Variants in FOXK2 observed in about 807,000 individuals in gnomAD.
FOXK2 encodes forkhead box protein K2.
FOXK2 carries 24 observed loss-of-function variants against 53.3 expected under a neutral mutation model. That is an observed-to-expected ratio of 0.45 (90% CI 0.33 to 0.63). The LOEUF is 0.63. Among genes scored for constraint, FOXK2 ranks in the 30% least tolerant of loss-of-function variants. The pLI is 0.03. For missense variants in FOXK2, 952 were observed against 910.5 expected (o/e 1.05, Z -0.59); for synonymous variants, 505 against 407.1 (o/e 1.24, Z -2.89).
Position 82,519,806 on chromosome 17 carries a change from C to A in FOXK2, c.-83C>A. The A allele has an allele frequency of 2.3e-6, 1 of 441,200 alleles. No homozygotes were observed. The highest frequency in any genetic ancestry group is 3.0e-6 in the Non-Finnish European group (1 of 336,360). 27.3% of individuals were successfully genotyped at this position (441,200 alleles called of 1,614,324 possible). On this transcript the variant is annotated 5_prime_UTR_variant, in exon 1 of 9. Coordinates refer to ENST00000335255, the MANE Select transcript of FOXK2 (RefSeq NM_004514.4). ...CCCCTCCCTCAGCTCCGGTGCGCGG[C>A]GGCCGACGACCCGCGCGGCCTGGGC...
At chr17:82,596,984 CAG>C (rs560613530) in intron 8 of FOXK2, among the ~76,000 whole-genome samples, 31 of 152,348 alleles carry the variant, frequency 2.0e-4, no homozygotes, top group Admixed American at 9.1e-4. Context: ...TCACGGAACA[CAG>C]AGCAAGCCTG....
At chr17:82,561,342 G>T (rs982095760) in intron 1 of FOXK2, among the ~76,000 whole-genome samples, 2 of 152,150 alleles carry the variant, frequency 1.3e-5, no homozygotes, top group Admixed American at 1.3e-4. Context: ...GGAGCTGGAA[G>T]TGGGGATTTT....
intron 2 of FOXK2, among the ~76,000 whole-genome samples, chr17:82,566,708 A>G (rs536559104): frequency 6.6e-6 from 1 of 151,480 alleles, no homozygotes; most frequent in Non-Finnish European, 1.5e-5. Flanking sequence ...TCGGCTCCCA[A>G]CTCCGCCTCT....
intron 8 of FOXK2, chr17:82,587,697 G>A (rs373778098): frequency 1.4e-4 from 37 of 274,006 alleles, no homozygotes; most frequent in South Asian, 2.5e-4. Flanking sequence ...GTCCGAGGCC[G>A]GTGCACAGAA....
rs774465946 is a variant in FOXK2, at chr17:82,601,512, C to A, written c.*13C>A. 13 of 1,590,728 alleles carry A rather than the reference C, an allele frequency of 8.2e-6. No homozygotes were observed. The South Asian group carries it at 1.2e-4, about 15-fold the overall frequency. ...TGTCCAGAACTAGCGACCGGGAGAG[C>A]TTTTCTTTAACGATATCAACTCTGT... On this transcript the variant is annotated 3_prime_UTR_variant, in exon 9 of 9. Coordinates refer to ENST00000335255, the MANE Select transcript of FOXK2 (RefSeq NM_004514.4).
chr17:82,575,940 G>T (rs1024026651), intron 4 of FOXK2, among the ~76,000 whole-genome samples: 4 of 147,834 alleles, frequency 2.7e-5, no homozygotes, highest in African/African-American at 1.0e-4. Context: ...GGCGGCGGCG[G>T]GTTCATCCAC....
intron 1 of FOXK2, among the ~76,000 whole-genome samples, chr17:82,534,538 G>T (rs2044502625): frequency 6.6e-6 from 1 of 152,156 alleles, no homozygotes; most frequent in Admixed American, 6.5e-5. Flanking sequence ...CTAGAGGAGG[G>T]GCCAGGCTCC....
chr17:82,546,475 G>C (rs1367065388), intron 1 of FOXK2, among the ~76,000 whole-genome samples: 1 of 151,732 alleles, frequency 6.6e-6, no homozygotes, highest in Non-Finnish European at 1.5e-5. Context: ...TCTCGGTGCA[G>C]CTCGCCTTGT....
chr17:82,582,697 G>A (rs1210208010), intron 4 of FOXK2, 44 bp from the exon 5 acceptor site: 2 of 1,467,418 alleles, frequency 1.4e-6, no homozygotes, highest in Non-Finnish European at 1.8e-6. Context: ...TTATTTCTCA[G>A]CAAATAAATA....
At chr17:82,543,202 TA>T (rs1331778984) in intron 1 of FOXK2, among the ~76,000 whole-genome samples, 24 of 152,218 alleles carry the variant, frequency 1.6e-4, no homozygotes, top group Admixed American at 1.6e-3. Context: ...AAATGCTTAG[TA>T]AATAAAACTG....
intron 8 of FOXK2, chr17:82,599,877 C>G (rs2045364288): frequency 6.6e-6 from 1 of 152,356 alleles, no homozygotes; most frequent in South Asian, 2.1e-4. Context: ...TCCCACATCT[C>G]TAGGCACCAG....
At chr17:82,550,376 A>G (rs1351667235) in intron 1 of FOXK2, among the ~76,000 whole-genome samples, 1 of 152,232 alleles carries the variant, frequency 6.6e-6, no homozygotes. Flanking sequence ...AAGGGGGTGC[A>G]GGAGCAAGAT....
At chr17:82,565,896 G>A (rs1401743571) in intron 2 of FOXK2, among the ~76,000 whole-genome samples, 2 of 152,152 alleles carry the variant, frequency 1.3e-5, no homozygotes, top group Non-Finnish European at 2.9e-5. Context: ...GAGAATAGAA[G>A]ATACAATGGA....
At chr17:82,563,585 G>C (rs1277018286) in intron 2 of FOXK2, 37 bp downstream of exon 2, 1 of 1,571,996 alleles carries the variant, frequency 6.4e-7, no homozygotes, top group African/African-American at 1.4e-5. Flanking sequence ...AGCATCCTTA[G>C]TCCCAGTGGC....
At chr17:82,533,546 TTAAG>T (rs748563429) in intron 1 of FOXK2, among the ~76,000 whole-genome samples, 8 of 152,128 alleles carry the variant, frequency 5.3e-5, no homozygotes, top group African/African-American at 1.2e-4. Context: ...TTTATTATTA[TTAAG>T]TATTACATAT....
At chr17:82,582,997 G>C in intron 5 of FOXK2, 63 bp downstream of exon 5, 1 of 1,245,640 alleles carries the variant, frequency 8.0e-7, no homozygotes, top group Non-Finnish European at 1.1e-6. Flanking sequence ...TCAGTGTATT[G>C]GGAAAATTTC....
rs1182268883 is a variant in FOXK2, at chr17:82,585,905, G to T, written c.1281G>T (p.Gly427=). The T allele has an allele frequency of 6.2e-7, 1 of 1,608,090 alleles. No homozygotes were observed. Among genetic ancestry groups the T allele is most frequent in the South Asian group, 1.1e-5 (1 of 90,946 alleles). The change falls in exon 7 of 9, where the codon GGG becomes GGT. Residue 427 remains glycine, a splice_region_variant and synonymous_variant. Coordinates refer to ENST00000335255, the MANE Select transcript of FOXK2 (RefSeq NM_004514.4). The part of the protein sequence containing the change: ...QEARFAQSAP[G]SPLSSQPVLI... ...CAGTCCTGCTGTGTCTTTCACCAGG[G>T]TCACCTCTGTCCAGTCAGCCAGTCT...
At chr17:82,566,947 T>G (rs1174504594) in intron 2 of FOXK2, among the ~76,000 whole-genome samples, 1 of 152,212 alleles carries the variant, frequency 6.6e-6, no homozygotes, top group Admixed American at 6.5e-5. Flanking sequence ...AACTCATAAA[T>G]TGTAGATGCT....
intron 3 of FOXK2, 56 bp downstream of exon 3, chr17:82,568,257 C>T: frequency 6.3e-7 from 1 of 1,589,004 alleles, no homozygotes; most frequent in African/African-American, 1.4e-5. Context: ...AGCCACAGGG[C>T]CCTCAATGTC....
Sources: allele counts gnomAD v4.1 joint callset (sites outside exome capture counted in the v4.1 genomes callset), GRCh38; gene constraint gnomAD v4.1.1; transcripts MANE v1.5; gene names NCBI Gene and HGNC (gene_info 2026-07-23, HGNC 2026-07-21).